TPD52L1: variants seen among roughly 807,000 people sequenced by gnomAD.
TPD52L1 encodes tumor protein D53.
Under a neutral mutation model 28.7 loss-of-function variants are expected in TPD52L1, and 18 were observed. The ratio of observed to expected loss-of-function variants is 0.63; its 90% CI spans 0.43 to 0.93. TPD52L1 has a LOEUF of 0.93. Ranked by LOEUF, TPD52L1 falls within the 40% of genes least tolerant of loss-of-function variation. TPD52L1 has a pLI of 0.00. For synonymous variants in TPD52L1, 75 were observed against 88.8 expected (o/e 0.84, Z 0.88); for missense variants, 203 against 254.8 (o/e 0.80, Z 1.39).
intron 2 of TPD52L1, among the ~76,000 whole-genome samples, chr6:125,223,368 G>T (rs995532280): frequency 2.6e-5 from 4 of 152,170 alleles, no homozygotes; most frequent in African/African-American, 9.6e-5. Flanking sequence ...AACTAAGCCA[G>T]TAGTGTCCAA....
chr6:125,238,998 G>A (rs1796454889), intron 3 of TPD52L1, among the ~76,000 whole-genome samples: 1 of 152,196 alleles, frequency 6.6e-6, no homozygotes, highest in Admixed American at 6.5e-5. Context: ...AATCCCAATA[G>A]TGGGATTGCT....
chr6:125,172,480 T>TG (rs1562213354), intron 1 of TPD52L1, among the ~76,000 whole-genome samples: 3 of 107,296 alleles, frequency 2.8e-5, no homozygotes, highest in African/African-American at 1.1e-4. Flanking sequence ...GTGTGTGTGT[T>TG]TTTTTTTTAG....
chr6:125,194,753 T>C (rs572175512), intron 1 of TPD52L1, among the ~76,000 whole-genome samples: 39 of 152,384 alleles, frequency 2.6e-4, no homozygotes, highest in African/African-American at 7.7e-4. Flanking sequence ...GTGTCAGCTA[T>C]TGGAATTAAA....
intron 1 of TPD52L1, among the ~76,000 whole-genome samples, chr6:125,201,703 T>A (rs1793808926): frequency 6.6e-6 from 1 of 152,232 alleles, no homozygotes; most frequent in Non-Finnish European, 1.5e-5. Context: ...ATTTGTGCTT[T>A]CCCTATTGCT....
At chr6:125,217,537 G>A (rs1274750087) in intron 1 of TPD52L1, among the ~76,000 whole-genome samples, 1 of 152,116 alleles carries the variant, frequency 6.6e-6, no homozygotes. Context: ...ATGGGAGGCA[G>A]AGCTCAGGTG....
intron 1 of TPD52L1, among the ~76,000 whole-genome samples, chr6:125,164,006 A>G (rs543039786): frequency 4.6e-5 from 7 of 152,164 alleles, no homozygotes; most frequent in Non-Finnish European, 7.4e-5. Flanking sequence ...CAGATGATGA[A>G]ACTGAATGAC....
chr6:125,255,280 A>G (rs1436669728), intron 5 of TPD52L1, among the ~76,000 whole-genome samples: 1 of 152,184 alleles, frequency 6.6e-6, no homozygotes, highest in African/African-American at 2.4e-5. Flanking sequence ...CCCATGAACC[A>G]TTTCCTCACT....
intron 1 of TPD52L1, among the ~76,000 whole-genome samples, chr6:125,202,978 C>T (rs1229170766): frequency 2.0e-5 from 3 of 151,932 alleles, no homozygotes; most frequent in African/African-American, 7.3e-5. Flanking sequence ...GTTGGCCAGG[C>T]TGGTTTCAAA....
intron 3 of TPD52L1, chr6:125,234,551 T>C (rs1796142188): frequency 6.6e-6 from 1 of 152,226 alleles, no homozygotes; most frequent in Non-Finnish European, 1.5e-5. Flanking sequence ...ATTGTTCCTC[T>C]GCTCTATCAA....
At chr6:125,170,902 A>G (rs1791258574) in intron 1 of TPD52L1, among the ~76,000 whole-genome samples, 1 of 151,860 alleles carries the variant, frequency 6.6e-6, no homozygotes, top group Non-Finnish European at 1.5e-5. Context: ...GGTATCTGAG[A>G]CTCCAGAATC....
At chr6:125,238,572 C>T (rs1796422444) in intron 3 of TPD52L1, among the ~76,000 whole-genome samples, 1 of 152,032 alleles carries the variant, frequency 6.6e-6, no homozygotes, top group Non-Finnish European at 1.5e-5. Context: ...ATCCTCACGG[C>T]TTAGTTCCCA....
chr6:125,252,291 C>T, intron 4 of TPD52L1: 1 of 423,010 alleles, frequency 2.4e-6, no homozygotes, highest in Admixed American at 4.3e-5. Flanking sequence ...GTCTCTTTCT[C>T]TGCACCATTT....
chr6:125,212,755 C>T (rs149622180), intron 1 of TPD52L1, among the ~76,000 whole-genome samples: 98 of 152,344 alleles, frequency 6.4e-4, no homozygotes, highest in African/African-American at 2.3e-3. Context: ...TGGGAGCAGA[C>T]CACAGTGAAC....
At chr6:125,165,050 C>T (rs143157033) in intron 1 of TPD52L1, among the ~76,000 whole-genome samples, 49 of 81,962 alleles carry the variant, frequency 6.0e-4, no homozygotes, top group African/African-American at 3.4e-3. Context: ...GAGTTCAAAC[C>T]CAGGCTAAGC....
chr6:125,158,495 G>A (rs1790291711), intron 1 of TPD52L1, among the ~76,000 whole-genome samples: 1 of 151,904 alleles, frequency 6.6e-6, no homozygotes, highest in African/African-American at 2.4e-5. Flanking sequence ...GTTTCAGGAA[G>A]TACATAAGGC....
At chr6:125,248,572 G>A in intron 4 of TPD52L1, 189 bp downstream of exon 4, 2 of 551,036 alleles carry the variant, frequency 3.6e-6, no homozygotes, top group Non-Finnish European at 6.4e-6. Context: ...CTGAAGGTCA[G>A]GCTTAGGTGG....
chr6:125,157,265 A>C (rs776415005), intron 1 of TPD52L1, among the ~76,000 whole-genome samples: 1 of 152,234 alleles, frequency 6.6e-6, no homozygotes, highest in Non-Finnish European at 1.5e-5. Context: ...TTGTCCAGGA[A>C]GACACCAAGG....
intron 1 of TPD52L1, among the ~76,000 whole-genome samples, chr6:125,205,015 C>G (rs1429467060): frequency 6.6e-6 from 1 of 152,128 alleles, no homozygotes; most frequent in Non-Finnish European, 1.5e-5. Flanking sequence ...CAATGTTTAG[C>G]AAATAATCTT....
chr6:125,184,976 A>ATACTT (rs10699569), intron 1 of TPD52L1, among the ~76,000 whole-genome samples: 152,289 of 152,302 alleles, frequency 1, 76,138 homozygotes, highest in Middle Eastern at 1. Context: ...TACAAAAACT[A>ATACTT]TAAGCAATAT....
Sources: allele counts gnomAD v4.1 joint callset (sites outside exome capture counted in the v4.1 genomes callset), GRCh38; gene constraint gnomAD v4.1.1; transcripts MANE v1.5; gene names NCBI Gene and HGNC (gene_info 2026-07-23, HGNC 2026-07-21).